The following TENM2 variants were observed in gnomAD, a reference collection of about 807,000 sequenced individuals.
TENM2 encodes teneurin transmembrane protein 2.
In TENM2, 52 loss-of-function variants were observed where a neutral mutation model predicts 245.2. The ratio of observed to expected loss-of-function variants is 0.21; its 90% CI spans 0.17 to 0.27. TENM2 has a LOEUF of 0.27. Among genes scored for constraint, TENM2 ranks in the 10% least tolerant of loss-of-function variants. The probability of loss-of-function intolerance (pLI) is 1.00; values close to 1 mark genes in which losing one functional copy is unlikely to be tolerated. For synonymous variants in TENM2, 1,363 were observed against 1,438.9 expected (o/e 0.95, Z 1.19); for missense variants, 3,046 against 3,666.8 (o/e 0.83, Z 4.37).
intron 2 of TENM2, among the ~76,000 whole-genome samples, chr5:167,432,412 G>T (rs1041478521): frequency 3.3e-5 from 5 of 151,668 alleles, no homozygotes; most frequent in African/African-American, 1.2e-4. Context: ...TCTTCTGCTT[G>T]TTGTACACTT....
intron 4 of TENM2, among the ~76,000 whole-genome samples, chr5:167,969,078 T>G (rs1781582242): frequency 6.6e-6 from 1 of 152,294 alleles, no homozygotes; most frequent in East Asian, 1.9e-4. Flanking sequence ...AATGCCGACT[T>G]TGTGCCCAGT....
intron 2 of TENM2, among the ~76,000 whole-genome samples, chr5:167,848,961 T>G (rs1770310946): frequency 6.6e-6 from 1 of 152,186 alleles, no homozygotes; most frequent in African/African-American, 2.4e-5. Context: ...GTTAGTTTCC[T>G]ATTGCTGGTG....
At chr5:167,233,875 G>A in the TENM2 span, among the ~76,000 whole-genome samples, 1 of 151,862 alleles carries the variant, frequency 6.6e-6, no homozygotes, top group African/African-American at 2.4e-5. Flanking sequence ...TTTATAGAAT[G>A]ATCTGAAAAT....
At chr5:167,428,214 T>A (rs1426747801) in intron 2 of TENM2, among the ~76,000 whole-genome samples, 2 of 152,204 alleles carry the variant, frequency 1.3e-5, no homozygotes, top group East Asian at 3.9e-4. Context: ...TTTTAAAAAA[T>A]TAATTACTAT....
chr5:167,319,179 G>C (rs183251591), intron 1 of TENM2, among the ~76,000 whole-genome samples: 76 of 152,266 alleles, frequency 5.0e-4, no homozygotes, highest in Admixed American at 6.5e-4. Context: ...TTGTTTCACT[G>C]TTGTAGAATG....
At chr5:168,210,571 T>C (rs1435296412) in intron 19 of TENM2, among the ~76,000 whole-genome samples, 1 of 151,988 alleles carries the variant, frequency 6.6e-6, no homozygotes, top group Admixed American at 6.6e-5. Context: ...AATTGCACTA[T>C]GTCAGTCAGA....
intron 2 of TENM2, among the ~76,000 whole-genome samples, chr5:167,429,798 G>T (rs770746724): frequency 2.0e-5 from 3 of 151,898 alleles, no homozygotes; most frequent in African/African-American, 7.3e-5. Flanking sequence ...GTACAGACAG[G>T]GTTTCACCAT....
At chr5:167,890,196 T>C (rs1774632263) in intron 3 of TENM2, among the ~76,000 whole-genome samples, 1 of 152,140 alleles carries the variant, frequency 6.6e-6, no homozygotes. Flanking sequence ...AACTTTCAAA[T>C]ATCATGATTC....
At chr5:167,380,517 G>T (rs1049901196) in intron 2 of TENM2, among the ~76,000 whole-genome samples, 19 of 152,254 alleles carry the variant, frequency 1.2e-4, no homozygotes, top group Non-Finnish European at 2.1e-4. Context: ...AACTTTAGTG[G>T]CATGGTCTTT....
At chr5:167,642,610 T>C (rs1779686072) in intron 2 of TENM2, among the ~76,000 whole-genome samples, 1 of 152,220 alleles carries the variant, frequency 6.6e-6, no homozygotes, top group Admixed American at 6.5e-5. Context: ...CCATTGTTTC[T>C]TATCATTCTT....
the TENM2 span, among the ~76,000 whole-genome samples, chr5:167,038,075 A>G: frequency 8.4e-3 from 1,285 of 152,350 alleles, 16 homozygotes; most frequent in African/African-American, 0.028. Context: ...GAGACTGGAG[A>G]TGTCTGTGGG....
At chr5:167,886,945 C>T (rs1324872121) in intron 3 of TENM2, among the ~76,000 whole-genome samples, 1 of 152,204 alleles carries the variant, frequency 6.6e-6, no homozygotes, top group Non-Finnish European at 1.5e-5. Context: ...GGGTCTGTAT[C>T]TGCCTCTGTT....
chr5:167,915,805 A>G (rs976952949), intron 3 of TENM2, among the ~76,000 whole-genome samples: 2 of 152,152 alleles, frequency 1.3e-5, no homozygotes, highest in African/African-American at 4.8e-5. Flanking sequence ...TCATGAAAAG[A>G]TTGTATTTCC....
chr5:168,159,351 G>A (rs4976576), intron 12 of TENM2, among the ~76,000 whole-genome samples: 33,195 of 151,926 alleles, frequency 0.22, 4,527 homozygotes, highest in Admixed American at 0.34. Flanking sequence ...GGTGGTCTTG[G>A]AGACAGGCAG....
intron 2 of TENM2, among the ~76,000 whole-genome samples, chr5:167,562,975 A>G (rs1773692408): frequency 1.3e-5 from 2 of 150,932 alleles, no homozygotes; most frequent in Admixed American, 6.6e-5. Flanking sequence ...AAAAAAAAAA[A>G]GAAAAAGAAA....
At chr5:167,168,918 C>G in the TENM2 span, among the ~76,000 whole-genome samples, 1 of 152,104 alleles carries the variant, frequency 6.6e-6, no homozygotes, top group Admixed American at 6.6e-5. Flanking sequence ...TGCCACCATG[C>G]CCAGCCAATT....
intron 2 of TENM2, among the ~76,000 whole-genome samples, chr5:167,585,644 T>C (rs1415875591): frequency 6.6e-6 from 1 of 152,188 alleles, no homozygotes; most frequent in African/African-American, 2.4e-5. Context: ...AAAAACATTG[T>C]ATTTCTATGT....
At chr5:167,970,100 C>A (rs533785632) in intron 4 of TENM2, among the ~76,000 whole-genome samples, 1 of 152,218 alleles carries the variant, frequency 6.6e-6, no homozygotes, top group Non-Finnish European at 1.5e-5. Context: ...GACACAGTCC[C>A]GGCCAGGGTG....
chr5:168,127,944 C>T (rs1296010708), intron 12 of TENM2, among the ~76,000 whole-genome samples: 3 of 152,236 alleles, frequency 2.0e-5, no homozygotes, highest in African/African-American at 4.8e-5. Context: ...CTGTCCCTGC[C>T]TAACAACCCC....
Sources: allele counts gnomAD v4.1 joint callset (sites outside exome capture counted in the v4.1 genomes callset), GRCh38; gene constraint gnomAD v4.1.1; transcripts MANE v1.5; gene names NCBI Gene and HGNC (gene_info 2026-07-23, HGNC 2026-07-21).